The following GOLM1 variants were observed in gnomAD, a reference collection of about 807,000 sequenced individuals.
GOLM1 encodes golgi membrane protein 1.
Under a neutral mutation model 50.5 loss-of-function variants are expected in GOLM1, and 31 were observed. That is an observed-to-expected ratio of 0.61 (90% CI 0.46 to 0.83). The LOEUF (loss-of-function observed/expected upper bound fraction) is 0.83. GOLM1 is among the 40% of genes least tolerant of loss of function. GOLM1 has a pLI of 0.00. For missense variants in GOLM1, 491 were observed against 501.3 expected, an observed-to-expected ratio of 0.98 and a Z score of 0.20; for synonymous variants, 178 against 192.8, an observed-to-expected ratio of 0.92 and a Z score of 0.64.
At chr9:86,034,414 C>T (rs1833073016) in intron 8 of GOLM1, among the ~76,000 whole-genome samples, 1 of 152,174 alleles carries the variant, frequency 6.6e-6, no homozygotes, top group African/African-American at 2.4e-5. Context: ...GCAGGTGCAT[C>T]CTGCAGGCAC....
At chr9:86,032,325 G>T (rs555874354) in intron 9 of GOLM1, among the ~76,000 whole-genome samples, 1 of 152,024 alleles carries the variant, frequency 6.6e-6, no homozygotes, top group Non-Finnish European at 1.5e-5. Context: ...CCACCACCAC[G>T]CCTGGCTAAT....
Position 86,077,406 on chromosome 9 carries a change from C to T in GOLM1, c.309+6G>A. On this transcript the variant is annotated splice_donor_region_variant and intron_variant, in intron 3 of 9. Transcript: ENST00000388712. Reference sequence around the variant, plus strand: ...AAGAACTGAGAGGAAACAAAGCAGGCCTTGCCTTTTCGTCCTGGTACAGCT... The same window carrying T: ...AAGAACTGAGAGGAAACAAAGCAGGTCTTGCCTTTTCGTCCTGGTACAGCT... 6.2e-7 allele frequency: 1 copy of T among 1,611,698 alleles called. No individual in the cohort carries two copies. The highest frequency in any genetic ancestry group is 8.5e-7 in the Non-Finnish European group (1 of 1,177,770).
chr9:86,080,655 C>T (rs1834755024), intron 1 of GOLM1, among the ~76,000 whole-genome samples: 1 of 152,096 alleles, frequency 6.6e-6, no homozygotes, highest in Non-Finnish European at 1.5e-5. Context: ...GTATGGGGGC[C>T]TGCCAGGGGA....
intron 5 of GOLM1, among the ~76,000 whole-genome samples, chr9:86,043,505 A>G (rs1317432034): frequency 6.6e-6 from 1 of 152,228 alleles, no homozygotes; most frequent in Non-Finnish European, 1.5e-5. Flanking sequence ...GTGTCCATTT[A>G]TAAGTTTGCT....
At chr9:86,077,787 T>G (rs1032729505) in intron 2 of GOLM1, 196 bp from the exon 3 acceptor site, 1 of 556,104 alleles carries the variant, frequency 1.8e-6, no homozygotes, top group Non-Finnish European at 3.2e-6. Flanking sequence ...TCTCTGTCAG[T>G]GTAAGTGAAG....
intron 6 of GOLM1, 180 bp from the exon 7 acceptor site, chr9:86,036,687 CAA>C (rs765180021): frequency 2.9e-5 from 18 of 622,196 alleles, no homozygotes; most frequent in Non-Finnish European, 4.4e-5. Context: ...AATCAGAAGA[CAA>C]GAGGTTGAGT....
rs761105597 is a variant in GOLM1 at position 86,042,072 on chromosome 9, G to A, written c.468-1204C>T. Reference sequence around the variant, plus strand: ...GCGGAGCTTGCAGTGAGCCGAGATCGCGCCACTGCACTCCAGCCTGGGCGA... The same window carrying A: ...GCGGAGCTTGCAGTGAGCCGAGATCACGCCACTGCACTCCAGCCTGGGCGA... On this transcript the variant is annotated intron_variant, in intron 5 of 9. Coordinates refer to ENST00000388712, the MANE Select transcript of GOLM1 (RefSeq NM_016548.4). 6.6e-5 allele frequency among the ~76,000 whole-genome samples: 10 copies of A among 152,130 alleles called. No homozygotes were observed. The East Asian group carries it at 7.7e-4, about 12-fold the overall frequency.
intron 3 of GOLM1, among the ~76,000 whole-genome samples, chr9:86,072,390 T>C (rs1179500207): frequency 1.3e-5 from 2 of 152,178 alleles, no homozygotes; most frequent in African/African-American, 4.8e-5. Flanking sequence ...ATCACACAGC[T>C]GTTGAGAAGC....
chr9:86,035,686 AAAAAAAAGC>A (rs1833110705), intron 7 of GOLM1, 61 bp from the exon 8 acceptor site: 17 of 1,453,210 alleles, frequency 1.2e-5, no homozygotes, highest in Non-Finnish European at 1.6e-5. Flanking sequence ...AAAAAAAAAA[AAAAAAAAGC>A]AAAACCTGGT....
intron 3 of GOLM1, among the ~76,000 whole-genome samples, chr9:86,062,625 G>C (rs1834195099): frequency 6.6e-6 from 1 of 150,786 alleles, no homozygotes; most frequent in South Asian, 2.1e-4. Flanking sequence ...GGAGGATGGA[G>C]GGAGGAAAAG....
chr9:86,060,875 T>TAAAAAAAAAAAAAAAA (rs1834134310), intron 3 of GOLM1, among the ~76,000 whole-genome samples: 1 of 12,278 alleles, frequency 8.1e-5, no homozygotes, highest in Non-Finnish European at 2.7e-4. Flanking sequence ...CGAAACTCTC[T>TAAAAAAAAAAAAAAAA]CAAAAAAAAA....
chr9:86,038,950 G>C (rs1052491070), intron 6 of GOLM1, among the ~76,000 whole-genome samples: 3 of 151,896 alleles, frequency 2.0e-5, no homozygotes, highest in Non-Finnish European at 4.4e-5. Context: ...ATAAAATGGG[G>C]ATTTTGTCAA....
chr9:86,095,302 G>A (rs1165010255), intron 1 of GOLM1, among the ~76,000 whole-genome samples: 1 of 151,764 alleles, frequency 6.6e-6, no homozygotes, highest in African/African-American at 2.4e-5. Context: ...AATCTCAGCT[G>A]TCTGTAACCT....
rs772129040 is a variant in GOLM1, at chr9:86,035,433, C to G, written c.950G>C (p.Gly317Ala). The G allele has an allele frequency of 1.2e-6, 2 of 1,613,956 alleles. No homozygotes were observed. The highest frequency in any genetic ancestry group is 1.7e-6 in the Non-Finnish European group (2 of 1,180,004). ...GATGACAAGCTGGTCTCGCTCAGGG[C>G]CCTCCATCTCTGGATTTTCCTGGCT... ...SVSQENPEME[G>A]PERDQLVIPD... The change falls in exon 8 of 10, where the codon GGC becomes GCC. Residue 317 changes from glycine to alanine, a missense_variant. By Grantham distance (60) the Gly-to-Ala change is moderately conservative. Transcript: ENST00000388712.
intron 6 of GOLM1, among the ~76,000 whole-genome samples, chr9:86,039,643 G>A (rs914102207): frequency 4.6e-5 from 7 of 152,176 alleles, no homozygotes; most frequent in East Asian, 1.9e-4. Flanking sequence ...CTGCAACCCC[G>A]ATGAGCCCTG....
intron 3 of GOLM1, 148 bp downstream of exon 3, chr9:86,077,264 G>A: frequency 1.5e-6 from 1 of 656,200 alleles, no homozygotes. Flanking sequence ...GAAAGGGAGA[G>A]AATGCCCAAA....
intron 4 of GOLM1, among the ~76,000 whole-genome samples, chr9:86,048,058 G>A (rs1329104469): frequency 8.2e-6 from 1 of 121,234 alleles, no homozygotes; most frequent in East Asian, 2.3e-4. Context: ...CGCCCCAGAT[G>A]TTCCTTGCCC....
chr9:86,047,269 C>G (rs1833577968), intron 4 of GOLM1, among the ~76,000 whole-genome samples: 3 of 152,224 alleles, frequency 2.0e-5, no homozygotes, highest in Non-Finnish European at 4.4e-5. Context: ...CAGGCGGATA[C>G]CACAGTGGGC....
At chr9:86,054,354 A>G (rs1202911667) in intron 3 of GOLM1, among the ~76,000 whole-genome samples, 1 of 144,964 alleles carries the variant, frequency 6.9e-6, no homozygotes, top group Non-Finnish European at 1.5e-5. Flanking sequence ...TGCAACCTCC[A>G]CCTCCTGGGT....
Sources: gnomAD v4.1 joint callset for allele counts (sites outside exome capture counted in the v4.1 genomes callset) on GRCh38, gnomAD v4.1.1 for gene constraint, MANE v1.5 for transcripts, NCBI Gene and HGNC (gene_info 2026-07-23, HGNC 2026-07-21) for gene names.